The following ARHGAP29 variants were observed in gnomAD, a reference collection of about 807,000 sequenced individuals.
The protein encoded by ARHGAP29 is rho GTPase-activating protein 29.
ARHGAP29 carries 43 observed loss-of-function variants against 122.6 expected under a neutral mutation model. That is an observed-to-expected ratio of 0.35 (90% CI 0.27 to 0.45). ARHGAP29 has a LOEUF of 0.45. Ranked by LOEUF, ARHGAP29 falls within the 20% of genes least tolerant of loss-of-function variation. The pLI is 1.00. For synonymous variants in ARHGAP29, 506 were observed against 497.1 expected (o/e 1.02, Z -0.24); for missense variants, 1,303 against 1,477.2 (o/e 0.88, Z 1.93).
intron 12 of ARHGAP29, chr1:94,193,809 A>G (rs1386790384): frequency 6.6e-6 from 1 of 152,264 alleles, no homozygotes. Flanking sequence ...TTCTGTAGAC[A>G]AAGTGTTACC....
At chr1:94,255,569 T>G (rs1654310104) in intron 1 of ARHGAP29, among the ~76,000 whole-genome samples, 1 of 152,230 alleles carries the variant, frequency 6.6e-6, no homozygotes, top group Non-Finnish European at 1.5e-5. Flanking sequence ...ATTGCCATTA[T>G]CCAACTTGTT....
chr1:94,201,050 A>G (rs182578221), intron 12 of ARHGAP29, among the ~76,000 whole-genome samples: 5 of 152,384 alleles, frequency 3.3e-5, no homozygotes, highest in African/African-American at 1.2e-4. Context: ...AAAACATTTT[A>G]AAGAGTAAAT....
At chr1:94,288,712 A>G in the ARHGAP29 span, among the ~76,000 whole-genome samples, 5 of 152,326 alleles carry the variant, frequency 3.3e-5, no homozygotes, top group African/African-American at 9.6e-5. Flanking sequence ...AGCTTTCTAC[A>G]TATGGCTAGC....
At chr1:94,269,941 T>C (rs747413653) in intron 1 of ARHGAP29, among the ~76,000 whole-genome samples, 8 of 152,116 alleles carry the variant, frequency 5.3e-5, no homozygotes, top group Non-Finnish European at 1.2e-4. Context: ...TCCCCAGTTA[T>C]AAAATTGAGA....
In ARHGAP29 at chr1:94,185,404, A is replaced by G. The variant is rs938304376; in HGVS notation, c.1858T>C (p.Ser620Pro). ...ALTHKFRKLR[S>P]PTKCRDCEGI... ...TCACAATCCCTACATTTCGTGGGGGATCTCAATTTGCGAAACTTGTGTGTG... is the reference window on the plus strand; with the variant it reads ...TCACAATCCCTACATTTCGTGGGGGGTCTCAATTTGCGAAACTTGTGTGTG... The change falls in exon 17 of 23, where the codon TCC becomes CCC. Residue 620 changes from serine to proline, a missense_variant. Physicochemically the swap from Ser to Pro is moderately conservative, Grantham distance 74. This residue lies in a region of ARHGAP29 where 91 missense variants were observed against 177.8 expected (regional missense o/e 0.51). Coordinates refer to ENST00000260526, the MANE Select transcript of ARHGAP29 (RefSeq NM_004815.4). 2 of 1,612,342 alleles carry G rather than the reference A, an allele frequency of 1.2e-6. No homozygotes were observed. Among genetic ancestry groups the G allele is most frequent in the Non-Finnish European group, 1.7e-6 (2 of 1,179,118 alleles).
chr1:94,302,592 G>A, the ARHGAP29 span: 1 of 373,324 alleles, frequency 2.7e-6, no homozygotes, highest in Non-Finnish European at 5.3e-6. Flanking sequence ...GGCCCCTCTG[G>A]GAAACTGTGG....
the ARHGAP29 span, among the ~76,000 whole-genome samples, chr1:94,286,031 C>T: frequency 1.3e-5 from 2 of 152,234 alleles, no homozygotes; most frequent in Non-Finnish European, 2.9e-5. Flanking sequence ...GTGGGCTTCC[C>T]TAATAAAATA....
chr1:94,203,752 G>GT (rs1651014045), intron 8 of ARHGAP29, among the ~76,000 whole-genome samples, 178 bp downstream of exon 8: 1 of 152,072 alleles, frequency 6.6e-6, no homozygotes, highest in African/African-American at 2.4e-5. Context: ...AAAAAAAAGC[G>GT]TATTTCCTAG....
rs1225441337 is a variant in ARHGAP29, at chr1:94,201,782, T to C, written c.1219A>G (p.Lys407Glu). The C allele has an allele frequency of 1.2e-6, 2 of 1,613,998 alleles. No individual in the cohort carries two copies. The highest frequency in any genetic ancestry group is 2.2e-5 in the South Asian group (2 of 91,030). Reference sequence around the variant, plus strand: ...CGGAGTTGTGCTAAAATTTCTCTTTTGGTATTTTCTAGATCATTTCTTCTT... The same window carrying C: ...CGGAGTTGTGCTAAAATTTCTCTTTCGGTATTTTCTAGATCATTTCTTCTT... ...EERRNDLENT[K>E]REILAQLRTL... The change falls in exon 12 of 23, where the codon AAA becomes GAA. Residue 407 changes from lysine (K) to glutamate (E), a missense_variant. Lys to Glu is a moderately conservative substitution (Grantham distance 56). Transcript: ENST00000260526.
chr1:94,256,205 GTAGT>G (rs1463551281), intron 1 of ARHGAP29, among the ~76,000 whole-genome samples: 2 of 152,094 alleles, frequency 1.3e-5, no homozygotes, highest in South Asian at 2.1e-4. Flanking sequence ...CCAGCTCTAG[GTAGT>G]TAGTTCTATT....
At chr1:94,277,725 T>A (rs1386137914), upstream of ARHGAP29, among the ~76,000 whole-genome samples, 1 of 152,142 alleles carries the variant, frequency 6.6e-6, no homozygotes, top group East Asian at 1.9e-4. Context: ...CCCTCCTCCT[T>A]CTCCATCAAG....
At chr1:94,263,298 G>A (rs572800846) in intron 1 of ARHGAP29, among the ~76,000 whole-genome samples, 5 of 151,892 alleles carry the variant, frequency 3.3e-5, no homozygotes, top group South Asian at 2.1e-4. Context: ...GGTAGTAGAC[G>A]TAATACCTGG....
the ARHGAP29 span, among the ~76,000 whole-genome samples, chr1:94,281,909 A>C: frequency 6.6e-6 from 1 of 152,128 alleles, no homozygotes; most frequent in East Asian, 1.9e-4. Context: ...AGACTCCTGC[A>C]TGGGACATTC....
chr1:94,275,527 G>A (rs768535642), upstream of ARHGAP29, among the ~76,000 whole-genome samples: 1 of 152,118 alleles, frequency 6.6e-6, no homozygotes, highest in Non-Finnish European at 1.5e-5. Context: ...ATTCAGGCAT[G>A]CTTTACACAG....
chr1:94,230,877 T>G (rs971255475), intron 2 of ARHGAP29, among the ~76,000 whole-genome samples: 6 of 151,876 alleles, frequency 4.0e-5, no homozygotes, highest in Non-Finnish European at 7.4e-5. Flanking sequence ...ATTATTCATT[T>G]CTAACTAGAC....
upstream of ARHGAP29, among the ~76,000 whole-genome samples, chr1:94,241,652 A>ATC (rs1653580311): frequency 7.0e-6 from 1 of 143,576 alleles, no homozygotes; most frequent in Admixed American, 7.2e-5. Flanking sequence ...TTATATATAT[A>ATC]TCTTATATAT....
At chr1:94,239,855 A>T (rs1353952925), upstream of ARHGAP29, among the ~76,000 whole-genome samples, 7 of 152,112 alleles carry the variant, frequency 4.6e-5, no homozygotes, top group Non-Finnish European at 1.0e-4. Context: ...AATTTTTAAA[A>T]TTTTTTCCAT....
chr1:94,273,834 A>C (rs1570633222), intron 1 of ARHGAP29, among the ~76,000 whole-genome samples: 2 of 152,112 alleles, frequency 1.3e-5, no homozygotes. Context: ...CAGTGCCTCC[A>C]TTAAGGCTAG....
the ARHGAP29 span, among the ~76,000 whole-genome samples, chr1:94,287,909 A>G: frequency 6.6e-6 from 1 of 152,054 alleles, no homozygotes; most frequent in African/African-American, 2.4e-5. Context: ...TTATTGATGG[A>G]CATTTGGGTT....
Sources: allele counts gnomAD v4.1 joint callset (sites outside exome capture counted in the v4.1 genomes callset), GRCh38; gene constraint gnomAD v4.1.1; regional missense constraint gnomAD v4.1.1; transcripts MANE v1.5; gene names NCBI Gene and HGNC (gene_info 2026-07-23, HGNC 2026-07-21).